CCDC22: variants seen among roughly 807,000 people sequenced by gnomAD.
The protein encoded by CCDC22 is coiled-coil domain-containing protein 22.
Under a neutral mutation model 53.1 loss-of-function variants are expected in CCDC22, and 4 were observed. That is an observed-to-expected ratio of 0.08 (90% CI 0.04 to 0.17). The LOEUF (loss-of-function observed/expected upper bound fraction) is 0.17, where lower values mean the gene tolerates loss of function less well. Among genes scored for constraint, CCDC22 ranks in the 10% least tolerant of loss-of-function variants. CCDC22 has a pLI of 1.00. For synonymous variants in CCDC22, 222 were observed against 224.4 expected (o/e 0.99, Z 0.10); for missense variants, 458 against 554.0 (o/e 0.83, Z 1.74).
rs781918995 is a variant in CCDC22, at chrX:49,248,822, A to G, written c.1437A>G (p.Ser479=). 5.0e-6 allele frequency: 6 copies of G among 1,209,792 alleles called. No individual in the cohort carries two copies. In the South Asian group the frequency reaches 1.1e-4, roughly 21 times the overall value. ...RKEEVYKQLM[S]ELETLPRDVS... is the part of the protein sequence containing the mutation. ...CCTGCTATATCCCTGCCTAGATGTC[A>G]GAGCTGGAGACTCTGCCCAGAGATG... The change falls in exon 13 of 17, where the codon TCA becomes TCG. Residue 479 remains serine, a synonymous_variant. Transcript: ENST00000376227.
In CCDC22 at chrX:49,243,006, C is replaced by A; in HGVS notation, c.468+14C>A. 1 of 1,134,775 alleles carries A rather than the reference C, an allele frequency of 8.8e-7. No homozygotes were observed. The highest frequency in any genetic ancestry group is 3.1e-5 in the East Asian group (1 of 31,890). 93.5% of individuals were successfully genotyped at this position (1,134,775 alleles called of 1,213,427 possible). A position where few individuals can be genotyped will look rare whatever the true frequency, so the allele number is the denominator to read the frequency against. Reference sequence around the variant, plus strand: ...CAGCACCTCCAGGTGAGACCCCTGACTCCCATGGATCTTCTCTTGTCCCCG... The same window carrying A: ...CAGCACCTCCAGGTGAGACCCCTGAATCCCATGGATCTTCTCTTGTCCCCG... On this transcript the variant is annotated intron_variant, in intron 4 of 16. Coordinates refer to ENST00000376227, the MANE Select transcript of CCDC22 (RefSeq NM_014008.5).
intron 6 of CCDC22, among the ~76,000 whole-genome samples, chrX:49,246,370 CCT>C (rs1365015997): frequency 1.8e-5 from 2 of 112,278 alleles, no homozygotes; most frequent in Non-Finnish European, 3.8e-5. Flanking sequence ...TCTCTCTCTG[CCT>C]CTTTCTGTGC....
At chrX:49,240,369 C>T in intron 2 of CCDC22, among the ~76,000 whole-genome samples, 1 of 109,913 alleles carries the variant, frequency 9.1e-6, no homozygotes, top group East Asian at 2.8e-4. Context: ...GCCTGGCCAA[C>T]CTGGCGAAAC....
In CCDC22 at chrX:49,243,194, A is replaced by G. The variant is rs782768379; in HGVS notation, c.535+10A>G. The G allele has an allele frequency of 3.3e-6, 4 of 1,208,082 alleles. No individual in the cohort carries two copies. Among genetic ancestry groups the G allele is most frequent in the Non-Finnish European group, 1.1e-6 (1 of 893,422 alleles). ...TTGAGTTCCAGAGGTGGTGAGCATG[A>G]GGCTGTGGGGAGGGGTGAGGAGGAA... On this transcript the variant is annotated intron_variant, in intron 5 of 16. Coordinates refer to ENST00000376227, the MANE Select transcript of CCDC22 (RefSeq NM_014008.5).
chrX:49,240,580 T>C lies in CCDC22; in HGVS notation c.229-1436T>C, dbSNP rs1174691723. ...CAAAAAAATAAAAAACAGGTACATA[T>C]GGTTGTCTGGCCCCCAGCAGCCTTG... On this transcript the variant is annotated intron_variant, in intron 2 of 16. Coordinates refer to ENST00000376227, the MANE Select transcript of CCDC22 (RefSeq NM_014008.5). Among the ~76,000 whole-genome samples, 4 of 111,612 alleles carry C rather than the reference T, an allele frequency of 3.6e-5. No homozygotes were observed. The East Asian group carries it at 8.4e-4, about 24-fold the overall frequency.
chrX:49,249,047 C>T (rs782152952), intron 13 of CCDC22, 120 bp from the exon 14 acceptor site: 40 of 1,114,565 alleles, frequency 3.6e-5, no homozygotes, highest in Non-Finnish European at 4.5e-5. Context: ...TAGTCACACA[C>T]AATCCATCCC....
intron 6 of CCDC22, 127 bp from the exon 7 acceptor site, chrX:49,246,604 G>C (rs2065990846): frequency 9.4e-6 from 5 of 532,956 alleles, no homozygotes; most frequent in Non-Finnish European, 1.5e-5. Context: ...GCCTGCCTTA[G>C]TGGGAAGGCT....
At chrX:49,235,861 ACACG>A (rs1179937770) in intron 1 of CCDC22, among the ~76,000 whole-genome samples, 175 bp downstream of exon 1, 18 of 105,730 alleles carry the variant, frequency 1.7e-4, no homozygotes, top group African/African-American at 2.1e-4. Context: ...ACACACACAC[ACACG>A]CACACACACA....
chrX:49,243,256 G>A, intron 5 of CCDC22, 28 bp from the exon 6 acceptor site: 1 of 1,199,466 alleles, frequency 8.3e-7, no homozygotes, highest in African/African-American at 1.7e-5. Context: ...CATGCGGCAG[G>A]GCCAGCTGAC....
At chrX:49,237,288 C>G (rs1602666146) in intron 2 of CCDC22, 25 bp downstream of exon 2, 2 of 1,163,869 alleles carry the variant, frequency 1.7e-6, no homozygotes, top group Non-Finnish European at 2.3e-6. Flanking sequence ...TCCTAATGCA[C>G]ACATCCTCTT....
intron 6 of CCDC22, among the ~76,000 whole-genome samples, chrX:49,244,862 C>G (rs111865904): frequency 6.4e-4 from 71 of 110,948 alleles, no homozygotes; most frequent in African/African-American, 2.1e-3. Flanking sequence ...GCCCCCTCTT[C>G]TTCTCTGTCA....
chrX:49,243,745 T>A (rs1202945176), intron 6 of CCDC22, among the ~76,000 whole-genome samples: 2 of 112,743 alleles, frequency 1.8e-5, no homozygotes, highest in East Asian at 2.8e-4. Flanking sequence ...TGCTTGAGAT[T>A]CCTGGCAACT....
chrX:49,248,211 C>G lies in CCDC22; in HGVS notation c.1113C>G (p.His371Gln). ...GCCAGGCAGAGTCTGAGTGCCGGCA[C>G]AGCAAGCTCAGTACAGCAGAGCGTG... ...SFVQAESECR[H>Q]SKLSTAEREQ... Residue 371 changes from histidine to glutamine, a missense_variant, in exon 10 of 17, where the codon CAC (histidine) becomes CAG (glutamine). By Grantham distance (24) the His-to-Gln change is conservative (BLOSUM62 0). Around this residue, in one of 4 missense-constraint regions of CCDC22, gnomAD observed 309 missense variants for 312.3 expected, o/e 0.99. Coordinates refer to ENST00000376227, the MANE Select transcript of CCDC22 (RefSeq NM_014008.5). The G allele has an allele frequency of 8.3e-7, 1 of 1,204,318 alleles. No individual in the cohort carries two copies. The highest frequency in any genetic ancestry group is 1.1e-6 in the Non-Finnish European group (1 of 895,353).
intron 1 of CCDC22, 139 bp downstream of exon 1, chrX:49,235,825 T>TGACACACACA: frequency 3.9e-6 from 1 of 253,552 alleles, no homozygotes; most frequent in African/African-American, 6.6e-5. Context: ...CCTCACCCCC[T>TGACACACACA]TACACACACA....
chrX:49,241,873 C>T (rs1490573726), intron 2 of CCDC22, 143 bp from the exon 3 acceptor site: 11 of 576,623 alleles, frequency 1.9e-5, no homozygotes, highest in African/African-American at 1.6e-4. Flanking sequence ...TGACTCCCCC[C>T]AGGGCCCAGA....
chrX:49,236,847 T>G (rs1270802419), intron 1 of CCDC22: 1 of 336,319 alleles, frequency 3.0e-6, no homozygotes, highest in East Asian at 4.4e-5. Flanking sequence ...TTTGATATTT[T>G]TCTAAACTGA....
At chrX:49,250,076 A>G in intron 16 of CCDC22, 72 bp from the exon 17 acceptor site, 1 of 635,334 alleles carries the variant, frequency 1.6e-6, no homozygotes. Flanking sequence ...AGTGGCTGTG[A>G]TGGGGGCTGG....
At chrX:49,243,563 G>T (rs2065974858) in intron 6 of CCDC22, 101 bp downstream of exon 6, 3 of 697,311 alleles carry the variant, frequency 4.3e-6, no homozygotes. Flanking sequence ...CCCTTCCATT[G>T]TTTCCCCTCT....
intron 2 of CCDC22, among the ~76,000 whole-genome samples, chrX:49,241,501 A>T (rs1321332431): frequency 9.2e-6 from 1 of 108,892 alleles, no homozygotes; most frequent in African/African-American, 3.3e-5. Flanking sequence ...AAAAAAAAAA[A>T]AAAAAAGGAA....
Sources: gnomAD v4.1 joint callset for allele counts (sites outside exome capture counted in the v4.1 genomes callset) on GRCh38, gnomAD v4.1.1 for gene constraint, gnomAD v4.1.1 regional missense constraint, MANE v1.5 for transcripts, NCBI Gene and HGNC (gene_info 2026-07-23, HGNC 2026-07-21) for gene names.